TENM3: variants seen among roughly 807,000 people sequenced by gnomAD.
TENM3 encodes teneurin transmembrane protein 3.
In TENM3, 63 loss-of-function variants were observed where a neutral mutation model predicts 255.1. The ratio of observed to expected loss-of-function variants is 0.25; its 90% confidence interval spans 0.20 to 0.30. The LOEUF is 0.30. Among genes scored for constraint, TENM3 ranks in the 10% least tolerant of loss-of-function variants. The probability of loss-of-function intolerance (pLI) is 1.00; values close to 1 mark genes in which losing one functional copy is unlikely to be tolerated. For synonymous variants in TENM3, 1,306 were observed against 1,322.3 expected, an observed-to-expected ratio of 0.99 and a Z score of 0.27; for missense variants, 2,929 against 3,461.1, an observed-to-expected ratio of 0.85 and a Z score of 3.86.
the TENM3 span, among the ~76,000 whole-genome samples, chr4:182,122,015 C>T: frequency 6.6e-6 from 1 of 152,236 alleles, no homozygotes. Context: ...ACAATGTTCA[C>T]AACATCTTCA....
intron 1 of TENM3, among the ~76,000 whole-genome samples, chr4:182,263,361 C>T (rs960054455): frequency 2.6e-5 from 4 of 152,038 alleles, no homozygotes; most frequent in African/African-American, 9.7e-5. Context: ...TAATAAAAGG[C>T]AGAGGCGCTT....
At chr4:181,602,386 T>C in the TENM3 span, among the ~76,000 whole-genome samples, 1,596 of 152,350 alleles carry the variant, frequency 0.01, 9 homozygotes, top group Non-Finnish European at 0.017. Context: ...CCTTCTGAGG[T>C]GATTGCTTTT....
At chr4:182,018,931 A>G in the TENM3 span, among the ~76,000 whole-genome samples, 3 of 152,240 alleles carry the variant, frequency 2.0e-5, no homozygotes, top group South Asian at 2.1e-4. Context: ...GAATCATCCA[A>G]TGAGTAGGGG....
chr4:181,996,933 A>C, the TENM3 span, among the ~76,000 whole-genome samples: 3 of 152,232 alleles, frequency 2.0e-5, no homozygotes, highest in Non-Finnish European at 4.4e-5. Flanking sequence ...GGGGCAACAC[A>C]CAATGAATGA....
the TENM3 span, among the ~76,000 whole-genome samples, chr4:181,780,394 T>C: frequency 1.3e-5 from 2 of 152,228 alleles, no homozygotes; most frequent in Non-Finnish European, 2.9e-5. Flanking sequence ...CCAGTGATGA[T>C]GAGCATTTTT....
intron 3 of TENM3, among the ~76,000 whole-genome samples, chr4:182,404,539 C>T (rs967960684): frequency 3.9e-5 from 6 of 152,110 alleles, no homozygotes; most frequent in African/African-American, 9.7e-5. Flanking sequence ...AATCAGAGTG[C>T]GGAGAACTGG....
At chr4:182,747,535 A>C (rs1212822580) in intron 19 of TENM3, among the ~76,000 whole-genome samples, 3 of 152,224 alleles carry the variant, frequency 2.0e-5, no homozygotes, top group Non-Finnish European at 2.9e-5. Flanking sequence ...TTATAGTATT[A>C]GTTTGCTAAG....
At chr4:182,487,976 G>A (rs959194231) in intron 3 of TENM3, among the ~76,000 whole-genome samples, 2 of 152,144 alleles carry the variant, frequency 1.3e-5, no homozygotes, top group African/African-American at 4.8e-5. Context: ...GCAATAATGA[G>A]TTTTAAACCA....
the TENM3 span, among the ~76,000 whole-genome samples, chr4:181,559,412 G>A: frequency 6.6e-6 from 1 of 152,182 alleles, no homozygotes; most frequent in Admixed American, 6.5e-5. Context: ...ATAGGCAGCA[G>A]CTTGGAGTAG....
chr4:182,495,189 G>A (rs1428224535), intron 3 of TENM3, among the ~76,000 whole-genome samples: 3 of 152,188 alleles, frequency 2.0e-5, no homozygotes, highest in Non-Finnish European at 2.9e-5. Context: ...TACCCCTTAA[G>A]TGCTCTTCTC....
At chr4:181,476,608 A>G in the TENM3 span, among the ~76,000 whole-genome samples, 1 of 152,194 alleles carries the variant, frequency 6.6e-6, no homozygotes, top group African/African-American at 2.4e-5. Context: ...ATAATCTTAA[A>G]TTATACATCC....
chr4:181,737,396 C>G, the TENM3 span, among the ~76,000 whole-genome samples: 1 of 152,072 alleles, frequency 6.6e-6, no homozygotes, highest in African/African-American at 2.4e-5. Flanking sequence ...AAGTGTGCTG[C>G]CTGTTCTGAA....
the TENM3 span, among the ~76,000 whole-genome samples, chr4:181,661,420 A>G: frequency 1.3e-5 from 2 of 152,180 alleles, no homozygotes; most frequent in Non-Finnish European, 2.9e-5. Flanking sequence ...ACAAAAGTTG[A>G]CTAAATTCCA....
the TENM3 span, among the ~76,000 whole-genome samples, chr4:181,999,814 G>A: frequency 7.2e-5 from 11 of 152,086 alleles, no homozygotes; most frequent in African/African-American, 4.8e-5. Flanking sequence ...TTGACATATC[G>A]AGAATTCATT....
At chr4:182,022,715 G>A in the TENM3 span, among the ~76,000 whole-genome samples, 24 of 151,654 alleles carry the variant, frequency 1.6e-4, no homozygotes, top group African/African-American at 5.3e-4. Context: ...AGTCTAGCTC[G>A]CTCACAACGC....
rs529314031 is a variant in TENM3, at chr4:182,801,949, A to G, written c.*1598A>G. On this transcript the variant is annotated 3_prime_UTR_variant, in exon 28 of 28. Coordinates refer to ENST00000511685, the MANE Select transcript of TENM3 (RefSeq NM_001080477.4). ...AGCCACGAAAATATTTTTAGAAGAT[A>G]TTTCTCAGTTCATCGAGCTATAGTA... The G allele has an allele frequency of 6.5e-5, 10 of 152,754 alleles. No individual in the cohort carries two copies. Among genetic ancestry groups the G allele is most frequent in the South Asian group, 4.1e-4 (2 of 4,824 alleles). The allele number at this position is 152,754 out of a possible 1,614,324, so 9.5% of individuals were successfully genotyped here.
At chr4:182,497,263 A>C (rs2151625390) in intron 3 of TENM3, among the ~76,000 whole-genome samples, 1 of 152,144 alleles carries the variant, frequency 6.6e-6, no homozygotes, top group African/African-American at 2.4e-5. Context: ...ATGTTGGCCA[A>C]GATGGCCTTG....
At chr4:182,273,384 C>T (rs1759778413) in intron 1 of TENM3, among the ~76,000 whole-genome samples, 1 of 152,224 alleles carries the variant, frequency 6.6e-6, no homozygotes, top group Admixed American at 6.5e-5. Context: ...AAGCATTTTG[C>T]ATTCTCCAAT....
rs1766939771 is a variant in TENM3, at chr4:182,801,274, C to G, written c.*923C>G. ...TTTTGTATTAGGTTGAAAAAATGTG[C>G]AAGCTTCTATCACTAGATGGATAGG... is the stretch of plus-strand genomic sequence containing the variant. On this transcript the variant is annotated 3_prime_UTR_variant, in exon 28 of 28. Coordinates refer to ENST00000511685, the MANE Select transcript of TENM3 (RefSeq NM_001080477.4). 1 of 152,324 alleles carries G rather than the reference C, an allele frequency of 6.6e-6. No homozygotes were observed. Among genetic ancestry groups the G allele is most frequent in the Non-Finnish European group, 1.5e-5 (1 of 67,994 alleles). The allele number at this position is 152,324 out of a possible 1,614,324, so 9.4% of individuals were successfully genotyped here.
Sources: gnomAD v4.1 joint callset for allele counts (sites outside exome capture counted in the v4.1 genomes callset) on GRCh38, gnomAD v4.1.1 for gene constraint, MANE v1.5 for transcripts, NCBI Gene and HGNC (gene_info 2026-07-23, HGNC 2026-07-21) for gene names.